Variants in GALNT13 observed in about 807,000 individuals in gnomAD.
GALNT13 encodes UDP-GalNAc:polypeptide N-acetylgalactosaminyltransferase 13.
A neutral mutation model predicts 64.2 loss-of-function variants in GALNT13; 28 were observed. The observed-to-expected ratio is 0.44, with a 90% CI of 0.32 to 0.60. GALNT13 has a LOEUF of 0.60. Among genes scored for constraint, GALNT13 ranks in the 20% least tolerant of loss-of-function variants. GALNT13 has a pLI of 0.05. For synonymous variants in GALNT13, 214 were observed against 224.6 expected (o/e 0.95, Z 0.42); for missense variants, 577 against 669.8 (o/e 0.86, Z 1.53).
At chr2:154,027,250 A>G (rs965902138) in intron 3 of GALNT13, among the ~76,000 whole-genome samples, 29 of 152,126 alleles carry the variant, frequency 1.9e-4, no homozygotes, top group African/African-American at 6.5e-4. Flanking sequence ...CTTTTTAGCT[A>G]TTCCATCTGC....
chr2:153,554,251 G>A, the GALNT13 span, among the ~76,000 whole-genome samples: 1 of 151,956 alleles, frequency 6.6e-6, no homozygotes, highest in African/African-American at 2.4e-5. Flanking sequence ...GGAGAATGGC[G>A]TGAACCCAGG....
the GALNT13 span, among the ~76,000 whole-genome samples, chr2:153,246,320 A>G: frequency 6.6e-6 from 1 of 152,112 alleles, no homozygotes; most frequent in African/African-American, 2.4e-5. Flanking sequence ...TAGTCCTCGA[A>G]GAGATCAAGC....
At chr2:154,420,382 C>A (rs1037262940) in intron 11 of GALNT13, among the ~76,000 whole-genome samples, 2 of 152,080 alleles carry the variant, frequency 1.3e-5, no homozygotes, top group African/African-American at 4.8e-5. Context: ...ATATTTATTT[C>A]CAGCAGAACT....
At chr2:153,860,882 A>G in the GALNT13 span, among the ~76,000 whole-genome samples, 4 of 152,216 alleles carry the variant, frequency 2.6e-5, no homozygotes, top group African/African-American at 4.8e-5. Context: ...TGATAGGAGT[A>G]GTAATTAGGT....
chr2:153,110,012 T>C, the GALNT13 span, among the ~76,000 whole-genome samples: 1 of 152,124 alleles, frequency 6.6e-6, no homozygotes, highest in Non-Finnish European at 1.5e-5. Context: ...GTACATCTGT[T>C]TTATCTCTGT....
chr2:153,740,890 A>G, the GALNT13 span, among the ~76,000 whole-genome samples: 1 of 152,096 alleles, frequency 6.6e-6, no homozygotes, highest in South Asian at 2.1e-4. Context: ...CTCCTTTGCA[A>G]TATTCCTCTT....
chr2:153,311,157 A>G, the GALNT13 span, among the ~76,000 whole-genome samples: 1 of 152,216 alleles, frequency 6.6e-6, no homozygotes, highest in Non-Finnish European at 1.5e-5. Context: ...GGTAAAGAAA[A>G]GGATCATAAG....
chr2:153,184,829 G>A, the GALNT13 span, among the ~76,000 whole-genome samples: 1 of 152,090 alleles, frequency 6.6e-6, no homozygotes. Context: ...GATTTTAGTG[G>A]ATAAACTCTT....
At chr2:153,902,231 A>T (rs962516763) in intron 2 of GALNT13, among the ~76,000 whole-genome samples, 1 of 152,062 alleles carries the variant, frequency 6.6e-6, no homozygotes, top group East Asian at 1.9e-4. Context: ...TAAATCGTTC[A>T]TGCTCCCACA....
chr2:153,370,809 T>G, the GALNT13 span: 2 of 153,680 alleles, frequency 1.3e-5, no homozygotes, highest in Non-Finnish European at 2.9e-5. Flanking sequence ...AGAAAGAAGC[T>G]TGACTACTAT....
the GALNT13 span, among the ~76,000 whole-genome samples, chr2:153,802,383 T>A: frequency 6.6e-6 from 1 of 152,214 alleles, no homozygotes; most frequent in Non-Finnish European, 1.5e-5. Context: ...ATCTCTCATT[T>A]TAGGATATTT....
intron 4 of GALNT13, among the ~76,000 whole-genome samples, chr2:154,170,586 G>A (rs547106903): frequency 6.6e-6 from 1 of 152,214 alleles, no homozygotes; most frequent in Admixed American, 6.5e-5. Context: ...GCTTCTACAA[G>A]ACAGGCAGAA....
chr2:153,674,170 C>T, the GALNT13 span, among the ~76,000 whole-genome samples: 1 of 152,124 alleles, frequency 6.6e-6, no homozygotes, highest in African/African-American at 2.4e-5. Flanking sequence ...CAAACTACCA[C>T]TGACTTTCTT....
intron 9 of GALNT13, among the ~76,000 whole-genome samples, chr2:154,356,121 C>A (rs1696734530): frequency 6.6e-6 from 1 of 152,168 alleles, no homozygotes; most frequent in Non-Finnish European, 1.5e-5. Context: ...ATAAACTTCT[C>A]AGAAGTGGCT....
chr2:154,098,617 C>A (rs1702192983), intron 3 of GALNT13, among the ~76,000 whole-genome samples: 1 of 151,950 alleles, frequency 6.6e-6, no homozygotes, highest in African/African-American at 2.4e-5. Context: ...CCTATTATTT[C>A]TGTCTTTATG....
the GALNT13 span, among the ~76,000 whole-genome samples, chr2:153,790,015 C>T: frequency 6.6e-6 from 1 of 152,134 alleles, no homozygotes; most frequent in Admixed American, 6.6e-5. Flanking sequence ...CAAAGAAGAG[C>T]TGGTAATATT....
the GALNT13 span, among the ~76,000 whole-genome samples, chr2:153,546,599 T>A: frequency 1.1e-4 from 16 of 152,228 alleles, no homozygotes; most frequent in Admixed American, 5.2e-4. Flanking sequence ...CCTCATTATC[T>A]ACTTAGTCAC....
the GALNT13 span, among the ~76,000 whole-genome samples, chr2:153,278,168 C>T: frequency 1.3e-5 from 2 of 151,762 alleles, no homozygotes; most frequent in Non-Finnish European, 2.9e-5. Flanking sequence ...CTCCTGACCT[C>T]GTGATCTGTC....
At chr2:153,401,497 C>T in the GALNT13 span, among the ~76,000 whole-genome samples, 4 of 148,138 alleles carry the variant, frequency 2.7e-5, no homozygotes, top group South Asian at 2.2e-4. Flanking sequence ...CTTTCTGTCT[C>T]GTTGATCTGT....
Sources: allele counts gnomAD v4.1 joint callset (sites outside exome capture counted in the v4.1 genomes callset), GRCh38; gene constraint gnomAD v4.1.1; transcripts MANE v1.5; gene names NCBI Gene and HGNC (gene_info 2026-07-23, HGNC 2026-07-21).